The following PLCB4 variants were observed in gnomAD, a reference collection of about 807,000 sequenced individuals.
PLCB4 encodes the protein 1-phosphatidylinositol 4,5-bisphosphate phosphodiesterase beta-4.
Under a neutral mutation model 178.8 loss-of-function variants are expected in PLCB4, and 77 were observed. The ratio of observed to expected loss-of-function variants is 0.43; its 90% CI spans 0.36 to 0.52. PLCB4 has a LOEUF of 0.52. Among genes scored for constraint, PLCB4 ranks in the 20% least tolerant of loss-of-function variants. The pLI is 0.00. For missense variants in PLCB4, 1,024 were observed against 1,453.4 expected (o/e 0.70, Z 4.80); for synonymous variants, 496 against 490.8 (o/e 1.01, Z -0.14).
intron 1 of PLCB4, among the ~76,000 whole-genome samples, chr20:9,084,958 C>G (rs1448836062): frequency 6.7e-6 from 1 of 149,190 alleles, no homozygotes; most frequent in Non-Finnish European, 1.5e-5. Context: ...GAGGCTGAGA[C>G]AGGAGAATGG....
chr20:9,082,091 G>A (rs933264227), intron 1 of PLCB4, among the ~76,000 whole-genome samples: 1 of 138,850 alleles, frequency 7.2e-6, no homozygotes, highest in East Asian at 2.1e-4. Context: ...TCTTAACAGT[G>A]TGTTATAACC....
chr20:9,158,272 CTT>C (rs923041309), intron 2 of PLCB4, among the ~76,000 whole-genome samples: 1 of 146,918 alleles, frequency 6.8e-6, no homozygotes, highest in Non-Finnish European at 1.5e-5. Flanking sequence ...ATGTTTCTCA[CTT>C]TTTTTTTTTG....
intron 2 of PLCB4, among the ~76,000 whole-genome samples, chr20:9,213,738 G>C (rs544943118): frequency 6.6e-6 from 1 of 152,180 alleles, no homozygotes; most frequent in Non-Finnish European, 1.5e-5. Flanking sequence ...GCAACTGCTA[G>C]ACTGTTTTCC....
At chr20:9,304,265 T>C (rs749020392) in intron 3 of PLCB4, among the ~76,000 whole-genome samples, 1 of 151,978 alleles carries the variant, frequency 6.6e-6, no homozygotes, top group East Asian at 1.9e-4. Context: ...TTAATTTCCA[T>C]GTATATAGAT....
At chr20:9,344,132 A>C (rs2033545183) in intron 7 of PLCB4, among the ~76,000 whole-genome samples, 1 of 151,476 alleles carries the variant, frequency 6.6e-6, no homozygotes, top group African/African-American at 2.4e-5. Flanking sequence ...TATCATCCCC[A>C]CCTCCCTTCC....
chr20:9,413,658 C>CA (rs869124730), intron 25 of PLCB4, among the ~76,000 whole-genome samples: 701 of 67,122 alleles, frequency 0.01, 5 homozygotes, highest in Middle Eastern at 0.029. Context: ...GACTCCATCT[C>CA]AAAAAAAAAA....
At chr20:9,278,231 T>C (rs551502942) in intron 3 of PLCB4, among the ~76,000 whole-genome samples, 33 of 152,212 alleles carry the variant, frequency 2.2e-4, no homozygotes, top group African/African-American at 7.5e-4. Context: ...AGTAACCTTC[T>C]ACTACAAATT....
At chr20:9,301,186 C>T (rs181120340) in intron 3 of PLCB4, among the ~76,000 whole-genome samples, 133 of 151,924 alleles carry the variant, frequency 8.8e-4, no homozygotes, top group African/African-American at 2.7e-3. Context: ...CAAGATCTTT[C>T]GCTTAATCTC....
intron 1 of PLCB4, among the ~76,000 whole-genome samples, chr20:9,079,086 A>G (rs2090020136): frequency 6.6e-6 from 1 of 152,192 alleles, no homozygotes; most frequent in Non-Finnish European, 1.5e-5. Flanking sequence ...AACCTTGCAT[A>G]TTCAAGAAAG....
At chr20:9,078,326 A>G (rs893888017) in intron 1 of PLCB4, among the ~76,000 whole-genome samples, 1 of 150,134 alleles carries the variant, frequency 6.7e-6, no homozygotes, top group East Asian at 2.0e-4. Context: ...GACTATATAA[A>G]TTAGAAACTA....
At chr20:9,155,140 C>T (rs2092766628) in intron 2 of PLCB4, among the ~76,000 whole-genome samples, 1 of 136,952 alleles carries the variant, frequency 7.3e-6, no homozygotes, top group African/African-American at 2.6e-5. Context: ...TCCATTATAT[C>T]ACTCTCTATG....
At chr20:9,354,345 CAAAAT>C (rs1363365338) in intron 7 of PLCB4, among the ~76,000 whole-genome samples, 1 of 152,234 alleles carries the variant, frequency 6.6e-6, no homozygotes, top group African/African-American at 2.4e-5. Context: ...AAAATTAATT[CAAAAT>C]AAAATAAAAC....
intron 2 of PLCB4, among the ~76,000 whole-genome samples, chr20:9,188,625 A>T (rs2093360752): frequency 1.5e-5 from 2 of 137,376 alleles, no homozygotes; most frequent in Non-Finnish European, 3.1e-5. Context: ...TCATATAGTG[A>T]CATTCTGGGT....
intron 3 of PLCB4, among the ~76,000 whole-genome samples, chr20:9,247,626 AG>A (rs1366168176): frequency 6.6e-6 from 1 of 152,212 alleles, no homozygotes; most frequent in African/African-American, 2.4e-5. Context: ...CATATAGTGT[AG>A]TCTATGAATA....
chr20:9,116,313 T>G (rs1479655219), intron 2 of PLCB4, among the ~76,000 whole-genome samples: 1 of 152,162 alleles, frequency 6.6e-6, no homozygotes, highest in African/African-American at 2.4e-5. Flanking sequence ...TTTATACTCT[T>G]GTCTCATGTA....
chr20:9,459,746 C>T lies in PLCB4; in HGVS notation c.3184C>T (p.Leu1062=), dbSNP rs1468643210. 1.2e-6 allele frequency: 2 copies of T among 1,613,326 alleles called. No individual in the cohort carries two copies. Among genetic ancestry groups the T allele is most frequent in the East Asian group, 2.2e-5 (1 of 44,832 alleles). The change falls in exon 35 of 40, where the codon CTG becomes TTG. Residue 1062 remains leucine, a synonymous_variant. Coordinates refer to ENST00000378473, the MANE Select transcript of PLCB4 (RefSeq NM_001377142.1). ...DLHLSQQCEL[L]KKLLINAHEQ... ...GCACCTCAGCCAGCAGTGTGAGCTG[C>T]TGAAAAAGCTACTCATCAATGCCCA...
intron 2 of PLCB4, among the ~76,000 whole-genome samples, chr20:9,139,060 G>T (rs1391241981): frequency 6.6e-6 from 1 of 152,080 alleles, no homozygotes; most frequent in East Asian, 1.9e-4. Context: ...GAGGAACAAA[G>T]TCCAGTCAGG....
At chr20:9,156,422 G>A (rs116396854) in intron 2 of PLCB4, among the ~76,000 whole-genome samples, 423 of 152,294 alleles carry the variant, frequency 2.8e-3, no homozygotes, top group African/African-American at 9.4e-3. Context: ...GCACAGAAAG[G>A]TTAAGTAACA....
chr20:9,099,606 G>A (rs2091063331), intron 2 of PLCB4, among the ~76,000 whole-genome samples: 1 of 151,640 alleles, frequency 6.6e-6, no homozygotes, highest in East Asian at 1.9e-4. Flanking sequence ...TTACAGTGCT[G>A]GGGACAATTG....
Sources: gnomAD v4.1 joint callset for allele counts (sites outside exome capture counted in the v4.1 genomes callset) on GRCh38, gnomAD v4.1.1 for gene constraint, MANE v1.5 for transcripts, NCBI Gene and HGNC (gene_info 2026-07-23, HGNC 2026-07-21) for gene names.